The following ANAPC10 variants were observed in gnomAD, a reference collection of about 807,000 sequenced individuals.
The protein encoded by ANAPC10 is anaphase-promoting complex subunit 10.
ANAPC10 carries 12 observed loss-of-function variants against 22.0 expected under a neutral mutation model. The ratio of observed to expected loss-of-function variants is 0.55; its 90% CI spans 0.35 to 0.88. The LOEUF (loss-of-function observed/expected upper bound fraction) is 0.88, where lower values mean the gene tolerates loss of function less well. Ranked by LOEUF, ANAPC10 falls within the 40% of genes least tolerant of loss-of-function variation. The pLI, the probability that ANAPC10 is intolerant of heterozygous loss-of-function variation, is 0.01. For synonymous variants in ANAPC10, 65 were observed against 69.5 expected, an observed-to-expected ratio of 0.94 and a Z score of 0.32; for missense variants, 188 against 220.9, an observed-to-expected ratio of 0.85 and a Z score of 0.94.
chr4:145,014,550 C>T (rs1734817569), intron 4 of ANAPC10, among the ~76,000 whole-genome samples: 1 of 151,984 alleles, frequency 6.6e-6, no homozygotes, highest in African/African-American at 2.4e-5. Context: ...GAGTTCTAGG[C>T]CCCCCGCCCA....
At chr4:145,041,611 T>C (rs1024690442) in intron 4 of ANAPC10, among the ~76,000 whole-genome samples, 1 of 152,210 alleles carries the variant, frequency 6.6e-6, no homozygotes. Context: ...CTAGAAGGCA[T>C]ATGCAAGATA....
intron 4 of ANAPC10, among the ~76,000 whole-genome samples, chr4:145,037,257 G>T (rs1004407738): frequency 6.6e-6 from 1 of 152,058 alleles, no homozygotes; most frequent in African/African-American, 2.4e-5. Flanking sequence ...AAACAGAATT[G>T]TATGTATGGC....
intron 4 of ANAPC10, among the ~76,000 whole-genome samples, chr4:145,045,140 T>C (rs1459227083): frequency 6.6e-6 from 1 of 152,054 alleles, no homozygotes; most frequent in Non-Finnish European, 1.5e-5. Flanking sequence ...CAAAAAAGGC[T>C]TAAGTTGTAA....
intron 4 of ANAPC10, among the ~76,000 whole-genome samples, chr4:145,022,910 C>G (rs1398942613): frequency 6.6e-6 from 1 of 151,410 alleles, no homozygotes; most frequent in East Asian, 1.9e-4. Flanking sequence ...TTTTAGGGTA[C>G]CTGTGCACAA....
intron 4 of ANAPC10, among the ~76,000 whole-genome samples, chr4:145,014,446 A>G (rs1036809785): frequency 3.9e-5 from 6 of 152,008 alleles, no homozygotes; most frequent in Admixed American, 1.3e-4. Flanking sequence ...CCACCCAAGG[A>G]AAGTCTGAGC....
At chr4:145,043,441 T>C (rs1342338511) in intron 4 of ANAPC10, among the ~76,000 whole-genome samples, 5 of 152,254 alleles carry the variant, frequency 3.3e-5, no homozygotes, top group East Asian at 1.9e-4. Flanking sequence ...ATTTTCCGAA[T>C]GGTTGAACAC....
chr4:145,078,266 C>T (rs980550204), intron 3 of ANAPC10, among the ~76,000 whole-genome samples: 1 of 151,520 alleles, frequency 6.6e-6, no homozygotes, highest in African/African-American at 2.4e-5. Flanking sequence ...CACAATTCCA[C>T]TCAAAACAGC....
At chr4:145,083,753 T>C (rs1258943782) in intron 2 of ANAPC10, among the ~76,000 whole-genome samples, 1 of 152,198 alleles carries the variant, frequency 6.6e-6, no homozygotes, top group East Asian at 1.9e-4. Context: ...TAATTTTAAA[T>C]TACAAATGTG....
Position 144,995,156 on chromosome 4 carries a change from C to T in ANAPC10, c.*217G>A. ...AAAATAAAATGATTGGCTTCAAATCCATTTTTAGTAATGTAAAATATGTGA... is the reference window on the plus strand; with the variant it reads ...AAAATAAAATGATTGGCTTCAAATCTATTTTTAGTAATGTAAAATATGTGA... On this transcript the variant is annotated 3_prime_UTR_variant, in exon 5 of 5. Coordinates refer to ENST00000507656, the MANE Select transcript of ANAPC10 (RefSeq NM_001256706.2). 1 of 320,088 alleles carries T rather than the reference C, an allele frequency of 3.1e-6. No individual in the cohort carries two copies. Among genetic ancestry groups the T allele is most frequent in the Non-Finnish European group, 5.7e-6 (1 of 176,848 alleles). 19.8% of individuals were successfully genotyped at this position (320,088 alleles called of 1,614,324 possible).
intron 4 of ANAPC10, chr4:145,033,106 A>C (rs1278523946): frequency 6.6e-6 from 1 of 152,240 alleles, no homozygotes; most frequent in African/African-American, 2.4e-5. Context: ...TTGAAGTCAC[A>C]ATCACAATGC....
At chr4:145,051,393 T>G (rs1230834730) in intron 4 of ANAPC10, among the ~76,000 whole-genome samples, 2 of 151,990 alleles carry the variant, frequency 1.3e-5, no homozygotes, top group Non-Finnish European at 2.9e-5. Context: ...ATAAAAGATA[T>G]AATAATAATG....
At chr4:145,091,295 A>G (rs1421714062) in intron 2 of ANAPC10, among the ~76,000 whole-genome samples, 3 of 152,178 alleles carry the variant, frequency 2.0e-5, no homozygotes, top group Non-Finnish European at 4.4e-5. Context: ...GATAGTAATG[A>G]GGTACGATTC....
chr4:145,007,472 ACTGT>A (rs1312125101), intron 4 of ANAPC10, among the ~76,000 whole-genome samples: 1 of 152,026 alleles, frequency 6.6e-6, no homozygotes, highest in East Asian at 1.9e-4. Context: ...ATCACAACAA[ACTGT>A]CTCTCAGACC....
At chr4:145,029,252 T>C (rs958389267) in intron 4 of ANAPC10, among the ~76,000 whole-genome samples, 1 of 152,134 alleles carries the variant, frequency 6.6e-6, no homozygotes, top group Non-Finnish European at 1.5e-5. Context: ...CATCAGTCTT[T>C]CCACCTTTGT....
Position 145,064,698 on chromosome 4 carries a change from A to G in ANAPC10, c.207-6T>C. The G allele has an allele frequency of 6.7e-7, 1 of 1,499,884 alleles. No homozygotes were observed. Among genetic ancestry groups the G allele is most frequent in the Middle Eastern group, 1.8e-4 (1 of 5,584 alleles). 92.9% of individuals were successfully genotyped at this position (1,499,884 alleles called of 1,614,324 possible). Reference sequence around the variant, plus strand: ...TCTTCACTGTTGTTTTTCTTCTAAAAGCAATAAAGTAAAAATAACATGCAC... The same window carrying G: ...TCTTCACTGTTGTTTTTCTTCTAAAGGCAATAAAGTAAAAATAACATGCAC... On this transcript the variant is annotated splice_region_variant and splice_polypyrimidine_tract_variant and intron_variant, in intron 3 of 4. Coordinates refer to ENST00000507656, the MANE Select transcript of ANAPC10 (RefSeq NM_001256706.2).
chr4:145,056,179 C>T (rs1742042627), intron 4 of ANAPC10, among the ~76,000 whole-genome samples: 1 of 152,290 alleles, frequency 6.6e-6, no homozygotes, highest in Non-Finnish European at 1.5e-5. Flanking sequence ...GCATAAGATA[C>T]AGGTCATAAA....
Position 145,053,828 on chromosome 4 carries a change from T to C in ANAPC10, c.327+10744A>G, listed in dbSNP as rs1460938630. On this transcript the variant is annotated intron_variant, in intron 4 of 4. Transcript: ENST00000507656. ...GACTAGGCTCACCTCTATTAAGATA[T>C]ACTTTTAAATTATGATAAAATGCTT... 4 of 581,674 alleles carry C rather than the reference T, an allele frequency of 6.9e-6. No individual in the cohort carries two copies. In the Admixed American group the frequency reaches 9.6e-5, roughly 14 times the overall value. The allele number at this position is 581,674 out of a possible 1,614,324, so 36.0% of individuals were successfully genotyped here. A position where few individuals can be genotyped will look rare whatever the true frequency, so the allele number is the denominator to read the frequency against.
At chr4:145,076,345 C>T (rs190177337) in intron 3 of ANAPC10, among the ~76,000 whole-genome samples, 12 of 152,288 alleles carry the variant, frequency 7.9e-5, no homozygotes, top group Admixed American at 2.6e-4. Context: ...AGCCTTGGTA[C>T]CCTGAAATCA....
At chr4:145,052,780 C>T (rs1741314499) in intron 4 of ANAPC10, among the ~76,000 whole-genome samples, 2 of 150,952 alleles carry the variant, frequency 1.3e-5, no homozygotes, top group African/African-American at 2.4e-5. Context: ...CCCAGCTACT[C>T]GGGAGGCTGA....
Sources: allele counts gnomAD v4.1 joint callset (sites outside exome capture counted in the v4.1 genomes callset), GRCh38; gene constraint gnomAD v4.1.1; transcripts MANE v1.5; gene names NCBI Gene and HGNC (gene_info 2026-07-23, HGNC 2026-07-21).